The following C12orf42 variants were observed in gnomAD, a reference collection of about 807,000 sequenced individuals.
The protein encoded by C12orf42 is chromosome 12 open reading frame 42, also known as uncharacterized protein C12orf42.
A neutral mutation model predicts 21.6 loss-of-function variants in C12orf42; 25 were observed. The observed-to-expected ratio is 1.16, with a 90% CI of 0.84 to 1.62. The LOEUF (loss-of-function observed/expected upper bound fraction) is 1.62. Ranked by LOEUF, C12orf42 falls within the 40% of genes most tolerant of loss-of-function variation. The pLI, the probability that C12orf42 is intolerant of heterozygous loss-of-function variation, is 0.00. For synonymous variants in C12orf42, 174 were observed against 175.0 expected (o/e 0.99, Z 0.05); for missense variants, 483 against 459.3 (o/e 1.05, Z -0.47).
chr12:103,049,001 G>A, the C12orf42 span, among the ~76,000 whole-genome samples: 1 of 152,266 alleles, frequency 6.6e-6, no homozygotes, highest in Admixed American at 6.5e-5. Context: ...ATACTGCACA[G>A]GATAGGTTTC....
chr12:103,238,070 A>C (rs1565987159), intron 10 of C12orf42, among the ~76,000 whole-genome samples: 1 of 152,146 alleles, frequency 6.6e-6, no homozygotes, highest in Non-Finnish European at 1.5e-5. Flanking sequence ...TGCACCCTAG[A>C]GTAGAGTATG....
chr12:103,149,596 C>T, the C12orf42 span, among the ~76,000 whole-genome samples: 7 of 152,010 alleles, frequency 4.6e-5, no homozygotes, highest in Admixed American at 3.3e-4. Context: ...CCATGTTGCT[C>T]TCATGATAGT....
the C12orf42 span, among the ~76,000 whole-genome samples, chr12:103,542,607 G>A: frequency 3.3e-5 from 5 of 152,242 alleles, no homozygotes; most frequent in Non-Finnish European, 7.3e-5. Flanking sequence ...GGAACAATAA[G>A]AAGTTGTAGA....
At chr12:103,208,409 C>T in the C12orf42 span, among the ~76,000 whole-genome samples, 120 of 152,070 alleles carry the variant, frequency 7.9e-4, 1 homozygote, top group Non-Finnish European at 3.4e-4. Context: ...TGCAGTGTAC[C>T]GTGAAATGGT....
the C12orf42 span, among the ~76,000 whole-genome samples, chr12:103,156,473 A>T: frequency 6.6e-6 from 1 of 152,008 alleles, no homozygotes; most frequent in South Asian, 2.1e-4. Flanking sequence ...ATGTGCAATT[A>T]TGTGAATAAA....
At chr12:103,434,109 G>T (rs1950473883) in intron 2 of C12orf42, among the ~76,000 whole-genome samples, 1 of 152,172 alleles carries the variant, frequency 6.6e-6, no homozygotes. Flanking sequence ...AGGTCATTCA[G>T]TCAGGAAATG....
chr12:103,267,516 T>G (rs191393182), downstream of C12orf42: 10 of 152,300 alleles, frequency 6.6e-5, no homozygotes, highest in Admixed American at 6.5e-4. Flanking sequence ...GTGTAAATTA[T>G]AAGCAGACAA....
At chr12:103,513,521 T>C in the C12orf42 span, among the ~76,000 whole-genome samples, 4 of 152,258 alleles carry the variant, frequency 2.6e-5, no homozygotes, top group East Asian at 7.7e-4. Context: ...AAAGTCCTGA[T>C]TAATACAACC....
the C12orf42 span, among the ~76,000 whole-genome samples, chr12:103,211,622 G>A: frequency 6.6e-4 from 100 of 152,302 alleles, no homozygotes; most frequent in African/African-American, 2.4e-3. Context: ...AGGAAGGTCA[G>A]TTCTCCAGCC....
At chr12:103,093,907 C>A in the C12orf42 span, among the ~76,000 whole-genome samples, 2 of 152,170 alleles carry the variant, frequency 1.3e-5, no homozygotes, top group African/African-American at 2.4e-5. Context: ...CTTTCACTGA[C>A]TTTGCTAACT....
Position 103,337,752 on chromosome 12 carries a change from T to C in C12orf42, c.259+31135A>G, listed in dbSNP as rs889287582. Among the ~76,000 whole-genome samples the C allele has an allele frequency of 3.2e-4, 48 of 152,140 alleles. 1 individual carries two copies. Among genetic ancestry groups the C allele is most frequent in the African/African-American group, 1.2e-3 (48 of 41,498 alleles). ...TGGTAGCCACGCAAACCTTCTCTATTCTCCTCAGAACAAAACCTCATTCCC... is the reference window on the plus strand; with the variant it reads ...TGGTAGCCACGCAAACCTTCTCTATCCTCCTCAGAACAAAACCTCATTCCC... On this transcript the variant is annotated intron_variant, in intron 4 of 5. Coordinates refer to ENST00000548883, the MANE Select transcript of C12orf42 (RefSeq NM_198521.5).
Position 103,478,365 on chromosome 12 carries a change from A to G in C12orf42, c.62T>C (p.Phe21Ser). 1 of 1,602,738 alleles carries G rather than the reference A, an allele frequency of 6.2e-7. No individual in the cohort carries two copies. Among genetic ancestry groups the G allele is most frequent in the Non-Finnish European group, 8.5e-7 (1 of 1,172,708 alleles). ...EEEFLLTIRP[F>S]ANRMQKSPCY... Reference sequence around the variant, plus strand: ...ATGCATTACCTGCATCCTGTTTGCAAAAGGTCTGATGGTTAGCAAGAATTC... The same window carrying G: ...ATGCATTACCTGCATCCTGTTTGCAGAAGGTCTGATGGTTAGCAAGAATTC... The change falls in exon 2 of 6, where the codon TTT becomes TCT. Residue 21 changes from phenylalanine (F) to serine (S), a missense_variant. Transcript: ENST00000548883.
chr12:103,285,326 A>T (rs1228430967), intron 4 of C12orf42, among the ~76,000 whole-genome samples: 1 of 152,214 alleles, frequency 6.6e-6, no homozygotes, highest in Non-Finnish European at 1.5e-5. Flanking sequence ...TTCATATATC[A>T]CTATTAACCT....
intron 4 of C12orf42, among the ~76,000 whole-genome samples, chr12:103,329,888 T>G (rs942316492): frequency 2.0e-5 from 3 of 151,886 alleles, no homozygotes; most frequent in Admixed American, 1.3e-4. Flanking sequence ...ATACATAAAT[T>G]GTATGACACA....
At chr12:103,095,785 G>A in the C12orf42 span, among the ~76,000 whole-genome samples, 1 of 152,186 alleles carries the variant, frequency 6.6e-6, no homozygotes, top group Non-Finnish European at 1.5e-5. Flanking sequence ...GTGAATAAAT[G>A]CCACAATATT....
the C12orf42 span, among the ~76,000 whole-genome samples, chr12:103,132,488 A>G: frequency 6.6e-6 from 1 of 152,108 alleles, no homozygotes; most frequent in South Asian, 2.1e-4. Context: ...ATGTGAAGAC[A>G]TTGCTCCAGA....
chr12:103,331,247 A>C (rs2041215470), intron 4 of C12orf42, among the ~76,000 whole-genome samples: 1 of 152,196 alleles, frequency 6.6e-6, no homozygotes, highest in Non-Finnish European at 1.5e-5. Flanking sequence ...TTCTATAACA[A>C]AGTGTTGAAT....
At chr12:103,436,735 C>A (rs536155935) in intron 2 of C12orf42, among the ~76,000 whole-genome samples, 79 of 152,268 alleles carry the variant, frequency 5.2e-4, no homozygotes, top group African/African-American at 1.7e-3. Flanking sequence ...AATACAGGAG[C>A]ACCCAGATTC....
chr12:103,353,779 T>A (rs1396316543), intron 4 of C12orf42, among the ~76,000 whole-genome samples: 2 of 152,144 alleles, frequency 1.3e-5, no homozygotes, highest in East Asian at 3.9e-4. Flanking sequence ...AAGACAGTGG[T>A]GAGAATGACG....
Sources: gnomAD v4.1 joint callset for allele counts (sites outside exome capture counted in the v4.1 genomes callset) on GRCh38, gnomAD v4.1.1 for gene constraint, MANE v1.5 for transcripts, NCBI Gene and HGNC (gene_info 2026-07-23, HGNC 2026-07-21) for gene names.